NRCAM: variants seen among roughly 807,000 people sequenced by gnomAD.
NRCAM encodes NgCAM-related cell adhesion molecule.
NRCAM carries 83 observed loss-of-function variants against 156.5 expected under a neutral mutation model. That is an observed-to-expected ratio of 0.53 (90% CI 0.44 to 0.64). NRCAM has a LOEUF of 0.64. Ranked by LOEUF, NRCAM falls within the 30% of genes least tolerant of loss-of-function variation. NRCAM has a pLI of 0.00. For missense variants in NRCAM, 1,417 were observed against 1,597.3 expected, an observed-to-expected ratio of 0.89 and a Z score of 1.92; for synonymous variants, 538 against 563.9, an observed-to-expected ratio of 0.95 and a Z score of 0.65.
chr7:108,177,500 G>A (rs1196492778), intron 26 of NRCAM, among the ~76,000 whole-genome samples: 4 of 152,046 alleles, frequency 2.6e-5, no homozygotes, highest in African/African-American at 4.8e-5. Flanking sequence ...GTGGGCGTCT[G>A]TAGTCCCAGC....
At chr7:108,416,606 T>G (rs891548537) in intron 1 of NRCAM, among the ~76,000 whole-genome samples, 3 of 152,068 alleles carry the variant, frequency 2.0e-5, no homozygotes, top group African/African-American at 7.2e-5. Flanking sequence ...AAGTCTTCCT[T>G]AACTAGACAG....
rs531292292 is a variant in NRCAM, at chr7:108,359,556, A to ATT, written c.-174+39878_-174+39879dup. Among the ~76,000 whole-genome samples, 5 of 152,244 alleles carry ATT rather than the reference A, an allele frequency of 3.3e-5. No individual in the cohort carries two copies. In the East Asian group the frequency reaches 5.8e-4, roughly 18 times the overall value. Reference sequence around the variant, plus strand: ...GAACACGTGTGAGAAAGAAAATCTCATTTTTCTGGAACACAGGGCATAGAA... The same window carrying ATT: ...GAACACGTGTGAGAAAGAAAATCTCATTTTTTTCTGGAACACAGGGCATAGAA... On this transcript the variant is annotated intron_variant, in intron 2 of 32. Coordinates refer to ENST00000379028, the MANE Select transcript of NRCAM (RefSeq NM_001037132.4).
At chr7:108,366,063 C>T (rs184896145) in intron 2 of NRCAM, among the ~76,000 whole-genome samples, 2 of 152,298 alleles carry the variant, frequency 1.3e-5, no homozygotes, top group Admixed American at 1.3e-4. Context: ...TGTTCCTTTC[C>T]ATCTCTTCTG....
At chr7:108,302,416 A>G (rs1455459873) in intron 3 of NRCAM, among the ~76,000 whole-genome samples, 1 of 152,150 alleles carries the variant, frequency 6.6e-6, no homozygotes, top group Non-Finnish European at 1.5e-5. Flanking sequence ...CTCTTCTTCA[A>G]AAAAGTACAC....
At chr7:108,319,451 G>T (rs968222942) in intron 2 of NRCAM, among the ~76,000 whole-genome samples, 21 of 152,076 alleles carry the variant, frequency 1.4e-4, no homozygotes, top group African/African-American at 4.6e-4. Context: ...TTTATTAACC[G>T]CCTATGATTT....
At chr7:108,378,163 C>G (rs1009068754) in intron 2 of NRCAM, among the ~76,000 whole-genome samples, 7 of 151,988 alleles carry the variant, frequency 4.6e-5, no homozygotes, top group African/African-American at 1.7e-4. Flanking sequence ...CCAAGACTTC[C>G]TATGTTGGAA....
intron 3 of NRCAM, among the ~76,000 whole-genome samples, chr7:108,241,944 T>C (rs551419574): frequency 6.6e-6 from 1 of 152,230 alleles, no homozygotes; most frequent in East Asian, 1.9e-4. Context: ...TGAACATGAT[T>C]AAAACTGTAG....
intron 32 of NRCAM, among the ~76,000 whole-genome samples, chr7:108,153,393 C>A (rs1004038175): frequency 1.3e-5 from 2 of 151,612 alleles, no homozygotes; most frequent in Non-Finnish European, 2.9e-5. Context: ...AAACTCAACA[C>A]CCATTCATGA....
intron 2 of NRCAM, among the ~76,000 whole-genome samples, chr7:108,331,017 T>C (rs368982935): frequency 6.6e-6 from 1 of 152,218 alleles, no homozygotes. Flanking sequence ...TTAGTATCCA[T>C]TTTAAGCACA....
chr7:108,200,026 C>T (rs1451998729), intron 13 of NRCAM, among the ~76,000 whole-genome samples: 2 of 152,182 alleles, frequency 1.3e-5, no homozygotes, highest in Non-Finnish European at 1.5e-5. Flanking sequence ...TCCTCATGGA[C>T]TGATTAACGT....
At chr7:108,331,553 T>C (rs964892005) in intron 2 of NRCAM, among the ~76,000 whole-genome samples, 1 of 152,208 alleles carries the variant, frequency 6.6e-6, no homozygotes, top group Non-Finnish European at 1.5e-5. Context: ...CAGGATAATA[T>C]AGTACCTTCT....
chr7:108,228,868 A>G (rs1165349521), intron 8 of NRCAM, among the ~76,000 whole-genome samples: 1 of 152,230 alleles, frequency 6.6e-6, no homozygotes. Flanking sequence ...AGATTTACTT[A>G]GCTATATATT....
intron 8 of NRCAM, among the ~76,000 whole-genome samples, chr7:108,226,709 C>T (rs765872620): frequency 7.9e-5 from 12 of 152,040 alleles, no homozygotes; most frequent in Admixed American, 2.0e-4. Flanking sequence ...ATATCTGAGT[C>T]CCTAACTGTT....
intron 11 of NRCAM, among the ~76,000 whole-genome samples, chr7:108,218,185 G>GA (rs1360955318): frequency 5.9e-4 from 89 of 149,968 alleles, no homozygotes; most frequent in African/African-American, 2.1e-3. Context: ...GGGGGGGGGG[G>GA]GAGTTCCCCG....
intron 3 of NRCAM, among the ~76,000 whole-genome samples, chr7:108,303,841 T>C (rs894757577): frequency 2.0e-5 from 3 of 152,166 alleles, no homozygotes; most frequent in African/African-American, 4.8e-5. Flanking sequence ...TACCTTTATA[T>C]CACTATTACA....
rs768433481 is a variant in NRCAM, at chr7:108,225,695, T to A, written c.728A>T (p.Glu243Val). ...ATTAGCAGCTATAGTGTCATTCAAT[T>A]CATCCACTGAAATAAACAGAATATT... is the stretch of plus-strand genomic sequence containing the variant. ...PISVKVISVD[E>V]LNDTIAANLS... is the part of the protein sequence containing the mutation. Residue 243 changes from glutamate to valine, a missense_variant, in exon 10 of 33, where the codon GAA becomes GTA. Physicochemically the swap from Glu to Val is moderately radical, Grantham distance 121 (BLOSUM62 -2). Around this residue, in one of 2 missense-constraint regions of NRCAM, gnomAD observed 1,238 missense variants for 1,336.4 expected, o/e 0.93. Coordinates refer to ENST00000379028, the MANE Select transcript of NRCAM (RefSeq NM_001037132.4). 5.0e-6 allele frequency: 8 copies of A among 1,593,412 alleles called. No individual in the cohort carries two copies. In the South Asian group the frequency reaches 7.7e-5, roughly 15 times the overall value.
chr7:108,266,915 G>T (rs548886605), intron 3 of NRCAM, among the ~76,000 whole-genome samples: 1 of 152,352 alleles, frequency 6.6e-6, no homozygotes, highest in African/African-American at 2.4e-5. Context: ...CCGCTAACAA[G>T]TTATCCTATT....
At chr7:108,182,965 T>C in intron 22 of NRCAM, 45 bp from the exon 23 acceptor site, 5 of 1,480,236 alleles carry the variant, frequency 3.4e-6, no homozygotes, top group Non-Finnish European at 3.8e-6. Context: ...ACAAATCAAC[T>C]GCACAATCTT....
At chr7:108,305,561 C>A (rs2098703554) in intron 3 of NRCAM, among the ~76,000 whole-genome samples, 1 of 152,182 alleles carries the variant, frequency 6.6e-6, no homozygotes, top group South Asian at 2.1e-4. Flanking sequence ...CCGTGTTGGA[C>A]TGTCCTCTGC....
Sources: gnomAD v4.1 joint callset for allele counts (sites outside exome capture counted in the v4.1 genomes callset) on GRCh38, gnomAD v4.1.1 for gene constraint, gnomAD v4.1.1 regional missense constraint, MANE v1.5 for transcripts, NCBI Gene and HGNC (gene_info 2026-07-23, HGNC 2026-07-21) for gene names.